Variants in FRS2 observed in about 807,000 individuals in gnomAD.
FRS2 encodes the protein fibroblast growth factor receptor substrate 2, also known as FGFR signalling adaptor.
FRS2 carries 8 observed loss-of-function variants against 43.9 expected under a neutral mutation model. That is an observed-to-expected ratio of 0.18 (90% CI 0.11 to 0.33). The LOEUF is 0.33. FRS2 is among the 10% of genes least tolerant of loss of function. The pLI, the probability that FRS2 is intolerant of heterozygous loss-of-function variation, is 1.00. For missense variants in FRS2, 534 were observed against 627.6 expected, an observed-to-expected ratio of 0.85 and a Z score of 1.59; for synonymous variants, 219 against 220.3, an observed-to-expected ratio of 0.99 and a Z score of 0.05.
At chr12:69,566,179 G>A (rs568006078) in intron 4 of FRS2, among the ~76,000 whole-genome samples, 1 of 152,106 alleles carries the variant, frequency 6.6e-6, no homozygotes, top group Admixed American at 6.6e-5. Context: ...GCCAGCACGA[G>A]AGGTTCTACC....
intron 3 of FRS2, among the ~76,000 whole-genome samples, chr12:69,544,933 T>C (rs1453916775): frequency 1.3e-5 from 2 of 152,032 alleles, no homozygotes; most frequent in African/African-American, 2.4e-5. Context: ...GGCATCCAAA[T>C]TGGAAAGAAG....
At chr12:69,483,555 T>C (rs1434349364) in intron 1 of FRS2, among the ~76,000 whole-genome samples, 2 of 152,108 alleles carry the variant, frequency 1.3e-5, no homozygotes, top group Non-Finnish European at 2.9e-5. Flanking sequence ...TTTTATAGCC[T>C]TTTTCATATA....
intron 1 of FRS2, among the ~76,000 whole-genome samples, chr12:69,492,007 G>A (rs1340512592): frequency 6.6e-6 from 1 of 152,086 alleles, no homozygotes; most frequent in Non-Finnish European, 1.5e-5. Context: ...ATGATTACTA[G>A]TTTGGTTATA....
At chr12:69,498,418 G>GTT (rs1778183797) in intron 1 of FRS2, among the ~76,000 whole-genome samples, 1 of 152,128 alleles carries the variant, frequency 6.6e-6, no homozygotes, top group African/African-American at 2.4e-5. Context: ...GAGCCGTGAG[G>GTT]TGTAGAGCAA....
At chr12:69,475,347 G>A (rs1592900552) in intron 1 of FRS2, among the ~76,000 whole-genome samples, 1 of 152,188 alleles carries the variant, frequency 6.6e-6, no homozygotes, top group Admixed American at 6.5e-5. Flanking sequence ...TCCTGTGTCA[G>A]TGTTGTTGGA....
chr12:69,524,102 T>C (rs1875960380), intron 1 of FRS2, among the ~76,000 whole-genome samples: 1 of 152,148 alleles, frequency 6.6e-6, no homozygotes, highest in African/African-American at 2.4e-5. Flanking sequence ...CTGCAAGGAA[T>C]AGAATTGGGC....
chr12:69,522,653 T>C (rs1413468564), intron 1 of FRS2, among the ~76,000 whole-genome samples: 1 of 152,198 alleles, frequency 6.6e-6, no homozygotes, highest in Non-Finnish European at 1.5e-5. Context: ...GTTAGCTTGC[T>C]CTTTCTTCTC....
intron 3 of FRS2, among the ~76,000 whole-genome samples, chr12:69,552,160 G>T (rs1878931007): frequency 6.6e-6 from 1 of 151,576 alleles, no homozygotes; most frequent in Non-Finnish European, 1.5e-5. Flanking sequence ...AAATTATCCG[G>T]GCATGGTGGT....
At chr12:69,515,580 C>G (rs755278456) in intron 1 of FRS2, among the ~76,000 whole-genome samples, 3 of 152,148 alleles carry the variant, frequency 2.0e-5, no homozygotes, top group East Asian at 1.9e-4. Flanking sequence ...TGCTGTCTCT[C>G]TCTCTCACAC....
At chr12:69,501,896 G>A (rs1205239319) in intron 1 of FRS2, among the ~76,000 whole-genome samples, 6 of 152,136 alleles carry the variant, frequency 3.9e-5, no homozygotes, top group African/African-American at 1.2e-4. Context: ...GACAGCATTA[G>A]CGTAGACATC....
At chr12:69,556,156 C>G (rs1879332470) in intron 3 of FRS2, among the ~76,000 whole-genome samples, 1 of 152,202 alleles carries the variant, frequency 6.6e-6, no homozygotes, top group African/African-American at 2.4e-5. Context: ...CTGCCTCAGT[C>G]TTCCAAAGTA....
chr12:69,486,579 C>A (rs115964037), intron 1 of FRS2, among the ~76,000 whole-genome samples: 1,894 of 152,262 alleles, frequency 0.012, 26 homozygotes, highest in African/African-American at 0.031. Context: ...AGGAGTCACA[C>A]ATCTCTCACT....
At chr12:69,544,739 G>T (rs563462046) in intron 3 of FRS2, among the ~76,000 whole-genome samples, 1 of 151,856 alleles carries the variant, frequency 6.6e-6, no homozygotes, top group East Asian at 1.9e-4. Context: ...ATAAATAAAA[G>T]GAAACTATTT....
At chr12:69,510,925 C>G (rs1360005787) in intron 1 of FRS2, among the ~76,000 whole-genome samples, 5 of 152,124 alleles carry the variant, frequency 3.3e-5, no homozygotes, top group African/African-American at 1.2e-4. Flanking sequence ...CCCTTTGAAG[C>G]TCTTTGAACA....
At chr12:69,522,384 G>A (rs1342776219) in intron 1 of FRS2, among the ~76,000 whole-genome samples, 1 of 152,014 alleles carries the variant, frequency 6.6e-6, no homozygotes, top group Non-Finnish European at 1.5e-5. Context: ...TCTAGTTTGT[G>A]TGCATAGAGG....
At chr12:69,515,882 C>T (rs1022686143) in intron 1 of FRS2, among the ~76,000 whole-genome samples, 13 of 135,218 alleles carry the variant, frequency 9.6e-5, no homozygotes, top group African/African-American at 3.0e-4. Flanking sequence ...AGTTTGACCG[C>T]CCCACCCCCA....
rs902514490 is a variant in FRS2, at chr12:69,543,517, C to A, written c.-122+11461C>A. 1.3e-5 allele frequency among the ~76,000 whole-genome samples: 2 copies of A among 152,090 alleles called. 1 individual carries two copies. The highest frequency in any genetic ancestry group is 4.1e-4 in the South Asian group (2 of 4,820). On this transcript the variant is annotated intron_variant, in intron 3 of 8. Transcript: ENST00000549921. ...AGTGAAGAGCTAGGGAATAAAAAAA[C>A]AAGTCAATATGTAGTATGCCACTTG...
chr12:69,567,326 T>C (rs905897656), intron 4 of FRS2, among the ~76,000 whole-genome samples: 4 of 152,232 alleles, frequency 2.6e-5, no homozygotes, highest in East Asian at 1.9e-4. Flanking sequence ...TTATATGTTA[T>C]CATATACACT....
At chr12:69,488,627 C>T (rs1872176244) in intron 1 of FRS2, among the ~76,000 whole-genome samples, 1 of 152,056 alleles carries the variant, frequency 6.6e-6, no homozygotes, top group African/African-American at 2.4e-5. Flanking sequence ...AAAATCCTTC[C>T]ACGTTTTCAT....
Sources: gnomAD v4.1 joint callset for allele counts (sites outside exome capture counted in the v4.1 genomes callset) on GRCh38, gnomAD v4.1.1 for gene constraint, MANE v1.5 for transcripts, NCBI Gene and HGNC (gene_info 2026-07-23, HGNC 2026-07-21) for gene names.